The following FSHR variants were observed in gnomAD, a reference collection of about 807,000 sequenced individuals.
The protein encoded by FSHR is follicle stimulating hormone receptor.
Under a neutral mutation model 52.1 loss-of-function variants are expected in FSHR, and 46 were observed. That is an observed-to-expected ratio of 0.88 (90% CI 0.70 to 1.13). The LOEUF is 1.13. FSHR is among the 50% of genes most tolerant of loss of function. The pLI is 0.00. For synonymous variants in FSHR, 399 were observed against 309.6 expected (o/e 1.29, Z -3.03); for missense variants, 964 against 834.6 (o/e 1.16, Z -1.91).
chr2:49,103,279 A>G (rs1022613460), intron 1 of FSHR, among the ~76,000 whole-genome samples: 11 of 152,294 alleles, frequency 7.2e-5, no homozygotes, highest in Non-Finnish European at 1.3e-4. Context: ...GGCTCCTCTT[A>G]TAATTTGAAA....
At chr2:49,131,981 T>C (rs1367054956) in intron 1 of FSHR, among the ~76,000 whole-genome samples, 1 of 152,184 alleles carries the variant, frequency 6.6e-6, no homozygotes, top group East Asian at 1.9e-4. Context: ...ATCCTATCCT[T>C]ATGTTATCAC....
At chr2:49,146,912 G>C (rs1504183) in intron 1 of FSHR, among the ~76,000 whole-genome samples, 32,546 of 151,864 alleles carry the variant, frequency 0.21, 4,081 homozygotes, top group African/African-American at 0.36. Flanking sequence ...GTGCATTCTT[G>C]ATGGTTTCTG....
intron 1 of FSHR, among the ~76,000 whole-genome samples, chr2:49,098,937 AAC>A (rs34255462): frequency 1.1e-3 from 158 of 146,070 alleles, no homozygotes; most frequent in African/African-American, 3.0e-3. Flanking sequence ...GCAACACACA[AAC>A]ACACACACAC....
At chr2:48,996,355 A>G (rs772055720) in intron 4 of FSHR, among the ~76,000 whole-genome samples, 2 of 152,090 alleles carry the variant, frequency 1.3e-5, no homozygotes, top group Non-Finnish European at 2.9e-5. Context: ...AGTCACCTCA[A>G]ACATGGAATT....
intron 2 of FSHR, among the ~76,000 whole-genome samples, chr2:49,030,671 T>C (rs1199005248): frequency 6.6e-6 from 1 of 152,170 alleles, no homozygotes; most frequent in Non-Finnish European, 1.5e-5. Context: ...CCCTTATGAG[T>C]GCCCTGCATG....
chr2:49,134,289 A>C (rs60268579), intron 1 of FSHR, among the ~76,000 whole-genome samples: 2 of 152,224 alleles, frequency 1.3e-5, no homozygotes, highest in African/African-American at 4.8e-5. Context: ...GAAGACATTT[A>C]TGCAGCCAAC....
At chr2:49,132,145 T>TTGCC (rs1201408493) in intron 1 of FSHR, among the ~76,000 whole-genome samples, 1 of 152,210 alleles carries the variant, frequency 6.6e-6, no homozygotes, top group African/African-American at 2.4e-5. Context: ...TAAAGATGTG[T>TTGCC]TGCCTGTAGT....
intron 9 of FSHR, 36 bp from the exon 10 acceptor site, chr2:48,964,002 C>T (rs1451766041): frequency 6.3e-7 from 1 of 1,590,592 alleles, no homozygotes; most frequent in Non-Finnish European, 8.6e-7. Context: ...ATCAACATCT[C>T]AGATCCAGTA....
At chr2:48,975,781 CT>C (rs1188619795) in intron 8 of FSHR, among the ~76,000 whole-genome samples, 2 of 152,078 alleles carry the variant, frequency 1.3e-5, no homozygotes, top group Admixed American at 1.3e-4. Flanking sequence ...TGATTTGGCC[CT>C]CTGTTTGTCT....
chr2:49,060,445 C>G (rs1164201164), intron 2 of FSHR, among the ~76,000 whole-genome samples: 1 of 152,130 alleles, frequency 6.6e-6, no homozygotes, highest in African/African-American at 2.4e-5. Context: ...TGCCCTGCAT[C>G]CCAGGAAATG....
At chr2:49,050,264 C>G (rs541380766) in intron 2 of FSHR, among the ~76,000 whole-genome samples, 4 of 152,306 alleles carry the variant, frequency 2.6e-5, no homozygotes, top group African/African-American at 9.6e-5. Context: ...GCTCAGTTTG[C>G]AAACCCTTGT....
At chr2:49,001,016 G>A (rs886572050) in intron 4 of FSHR, among the ~76,000 whole-genome samples, 1 of 152,080 alleles carries the variant, frequency 6.6e-6, no homozygotes, top group African/African-American at 2.4e-5. Flanking sequence ...TATTTCATAT[G>A]ATCTCATTTG....
At chr2:49,021,884 TATAGAGAG>T (rs1455819335) in intron 2 of FSHR, among the ~76,000 whole-genome samples, 2 of 36,556 alleles carry the variant, frequency 5.5e-5, no homozygotes, top group African/African-American at 1.9e-4. Context: ...TATATATATA[TATAGAGAG>T]AGAGAGAGAG....
intron 1 of FSHR, among the ~76,000 whole-genome samples, chr2:49,133,148 GGAC>G (rs1672353972): frequency 6.6e-6 from 1 of 152,080 alleles, no homozygotes; most frequent in South Asian, 2.1e-4. Context: ...AAGATAAGGA[GGAC>G]TTCAGCATTT....
intron 1 of FSHR, among the ~76,000 whole-genome samples, chr2:49,114,940 TG>T (rs1471303010): frequency 2.6e-5 from 4 of 151,918 alleles, no homozygotes; most frequent in African/African-American, 7.3e-5. Flanking sequence ...AAGCAATCAT[TG>T]CCCAGTGCTA....
chr2:49,112,225 A>G (rs1671446995), intron 1 of FSHR, among the ~76,000 whole-genome samples: 1 of 152,192 alleles, frequency 6.6e-6, no homozygotes, highest in Non-Finnish European at 1.5e-5. Context: ...AAAGTGCTTC[A>G]GGGTAATGTA....
chr2:49,042,399 A>C (rs1668509277), intron 2 of FSHR, among the ~76,000 whole-genome samples: 1 of 152,236 alleles, frequency 6.6e-6, no homozygotes, highest in Non-Finnish European at 1.5e-5. Flanking sequence ...ACAAGAGCAG[A>C]GAAACACAAC....
At position 48,963,695 on chromosome 2, in the gene FSHR, C is replaced by T; in HGVS notation, c.1126G>A (p.Ala376Thr). 1 of 1,614,148 alleles carries T rather than the reference C, an allele frequency of 6.2e-7. No individual in the cohort carries two copies. The highest frequency in any genetic ancestry group is 8.5e-7 in the Non-Finnish European group (1 of 1,180,022). ...AGCACTATGATGTTCCCAGTGATGG[C>T]CAGGATGCTGATAAACCATATCAGG... ...RVLIWFISIL[A>T]ITGNIIVLVI... The change falls in exon 10 of 10, where the codon GCC becomes ACC. Residue 376 changes from alanine (A) to threonine (T), a missense_variant. Transcript: ENST00000406846.
chr2:49,111,665 C>A (rs1259069082), intron 1 of FSHR, among the ~76,000 whole-genome samples: 1 of 152,136 alleles, frequency 6.6e-6, no homozygotes, highest in Admixed American at 6.5e-5. Flanking sequence ...TATGACGGGG[C>A]CTCTCTTGAC....
Sources: allele counts gnomAD v4.1 joint callset (sites outside exome capture counted in the v4.1 genomes callset), GRCh38; gene constraint gnomAD v4.1.1; transcripts MANE v1.5; gene names NCBI Gene and HGNC (gene_info 2026-07-23, HGNC 2026-07-21).